The following DMD variants were observed in gnomAD, a reference collection of about 807,000 sequenced individuals.
The protein encoded by DMD is mutant dystrophin.
A neutral mutation model predicts 330.1 loss-of-function variants in DMD; 63 were observed. The ratio of observed to expected loss-of-function variants is 0.19; its 90% CI spans 0.16 to 0.24. DMD has a LOEUF of 0.24. Ranked by LOEUF, DMD falls within the 10% of genes least tolerant of loss-of-function variation. The pLI is 1.00. For missense variants in DMD, 3,344 were observed against 2,684.1 expected (o/e 1.25, Z -5.43); for synonymous variants, 1,223 against 959.8 (o/e 1.27, Z -5.07).
At chrX:32,725,873 A>G (rs757040941) in intron 7 of DMD, among the ~76,000 whole-genome samples, 5 of 111,017 alleles carry the variant, frequency 4.5e-5, no homozygotes, top group Non-Finnish European at 7.6e-5. Flanking sequence ...GCTTGAGTGG[A>G]TGGATACCCC....
chrX:31,543,539 T>G (rs768222968), intron 55 of DMD, among the ~76,000 whole-genome samples: 1 of 112,206 alleles, frequency 8.9e-6, no homozygotes, highest in Non-Finnish European at 1.9e-5. Context: ...CAACACCAAC[T>G]AACATGAATT....
At position 31,234,553 on chromosome X, in the gene DMD, C is replaced by T. The variant is rs56839816; in HGVS notation, c.9287-11432G>A. The stretch of plus-strand genomic sequence containing the variant: ...TTCTGCATTTAAAATCATCAGTTGA[C>T]GCTTACTTAAGCACCTATTATATGC... On this transcript the variant is annotated intron_variant, in intron 63 of 78. Transcript: ENST00000357033. Among the ~76,000 whole-genome samples the T allele has an allele frequency of 3.1e-3, 344 of 112,264 alleles. 2 individuals are homozygous for T. The highest frequency in any genetic ancestry group is 0.01 in the African/African-American group (311 of 30,908).
chrX:31,211,586 G>A (rs983615472), intron 64 of DMD, among the ~76,000 whole-genome samples: 11 of 112,373 alleles, frequency 9.8e-5, no homozygotes, highest in African/African-American at 2.6e-4. Context: ...TTATTTAGCC[G>A]TGTGATGGAA....
intron 50 of DMD, among the ~76,000 whole-genome samples, chrX:31,787,490 G>C (rs2091362044): frequency 8.9e-6 from 1 of 112,012 alleles, no homozygotes; most frequent in East Asian, 2.8e-4. Context: ...TTGTTTAAGG[G>C]CTTATAAAGT....
intron 47 of DMD, among the ~76,000 whole-genome samples, chrX:31,929,170 C>T (rs967494955): frequency 9.0e-6 from 1 of 111,518 alleles, no homozygotes; most frequent in Non-Finnish European, 1.9e-5. Flanking sequence ...AAACTTGTGG[C>T]GAACGTTAGT....
At chrX:32,224,204 T>C (rs2097140423) in intron 43 of DMD, among the ~76,000 whole-genome samples, 1 of 111,690 alleles carries the variant, frequency 9.0e-6, no homozygotes, top group South Asian at 3.7e-4. Flanking sequence ...ATAGATGTTA[T>C]TAATATACAA....
chrX:32,436,283 T>A (rs1271301333), intron 29 of DMD, among the ~76,000 whole-genome samples: 1 of 111,928 alleles, frequency 8.9e-6, no homozygotes, highest in African/African-American at 3.3e-5. Flanking sequence ...TTCCAGTAAG[T>A]AGTTAATACT....
chrX:33,062,145 C>T (rs905084431), intron 1 of DMD, among the ~76,000 whole-genome samples: 4 of 111,667 alleles, frequency 3.6e-5, no homozygotes, highest in African/African-American at 1.3e-4. Flanking sequence ...AAAGACTTTC[C>T]TTCTTCTCAG....
intron 29 of DMD, among the ~76,000 whole-genome samples, chrX:32,433,372 T>C (rs2098246260): frequency 8.9e-6 from 1 of 111,764 alleles, no homozygotes; most frequent in Non-Finnish European, 1.9e-5. Context: ...TTCTGTAGAA[T>C]GGGAATATGA....
At chrX:31,379,736 C>T (rs961118463) in intron 60 of DMD, among the ~76,000 whole-genome samples, 4 of 112,149 alleles carry the variant, frequency 3.6e-5, no homozygotes, top group Non-Finnish European at 5.6e-5. Flanking sequence ...ACTGCAGCTG[C>T]GAGGGGTTCC....
chrX:31,151,154 A>G (rs2037366841), intron 74 of DMD, among the ~76,000 whole-genome samples: 1 of 112,087 alleles, frequency 8.9e-6, no homozygotes, highest in African/African-American at 3.2e-5. Flanking sequence ...TGTCCACATT[A>G]ATTAAATCTA....
At chrX:31,482,627 G>C (rs939823507) in intron 57 of DMD, among the ~76,000 whole-genome samples, 1 of 111,780 alleles carries the variant, frequency 8.9e-6, no homozygotes, top group Admixed American at 9.5e-5. Flanking sequence ...TTTCAGTGGA[G>C]GGCAGAAGCC....
intron 1 of DMD, among the ~76,000 whole-genome samples, chrX:33,023,579 T>C (rs2093951461): frequency 8.9e-6 from 1 of 111,936 alleles, no homozygotes; most frequent in African/African-American, 3.2e-5. Flanking sequence ...ATTTGATTAC[T>C]AATGAAGTAG....
rs184079804 is a variant in DMD at position 31,463,496 on chromosome X, A to G, written c.8937+14610T>C. 2.6e-3 allele frequency among the ~76,000 whole-genome samples: 294 copies of G among 112,041 alleles called. 3 individuals are homozygous for G. The highest frequency in any genetic ancestry group is 8.4e-3 in the African/African-American group (261 of 30,908). ...TAACTGTTAAATTTTGAAAATTGTAATTGTCAAGCATGACAGGAAGAAGCG... is the reference window on the plus strand; with the variant it reads ...TAACTGTTAAATTTTGAAAATTGTAGTTGTCAAGCATGACAGGAAGAAGCG... On this transcript the variant is annotated intron_variant, in intron 59 of 78. Transcript: ENST00000357033.
chrX:32,121,441 C>T (rs926344474), intron 44 of DMD, among the ~76,000 whole-genome samples: 1 of 106,167 alleles, frequency 9.4e-6, no homozygotes, highest in African/African-American at 3.4e-5. Flanking sequence ...GTGGCACTGG[C>T]CCCTGACCTC....
intron 44 of DMD, among the ~76,000 whole-genome samples, chrX:32,078,642 C>T (rs141837618): frequency 3.1e-3 from 348 of 112,141 alleles, no homozygotes; most frequent in Middle Eastern, 0.018. Context: ...AAACACTATG[C>T]ATTAGTGGTA....
At chrX:31,834,791 G>A (rs1029743795) in intron 49 of DMD, among the ~76,000 whole-genome samples, 1 of 110,216 alleles carries the variant, frequency 9.1e-6, no homozygotes, top group Non-Finnish European at 1.9e-5. Flanking sequence ...GGGAAGACAG[G>A]AATAAATTTT....
intron 76 of DMD, among the ~76,000 whole-genome samples, chrX:31,144,380 C>A (rs1011634083): frequency 1.8e-5 from 2 of 112,046 alleles, no homozygotes; most frequent in Non-Finnish European, 3.8e-5. Flanking sequence ...CCTCAGTGAT[C>A]TCCAAGTAAA....
chrX:32,923,102 A>G (rs959223474), intron 2 of DMD, among the ~76,000 whole-genome samples: 12 of 111,854 alleles, frequency 1.1e-4, no homozygotes, highest in Non-Finnish European at 2.3e-4. Context: ...ATTTTGCACA[A>G]CCACTTTTAC....
Sources: gnomAD v4.1 joint callset for allele counts (sites outside exome capture counted in the v4.1 genomes callset) on GRCh38, gnomAD v4.1.1 for gene constraint, MANE v1.5 for transcripts, NCBI Gene and HGNC (gene_info 2026-07-23, HGNC 2026-07-21) for gene names.